HYCC2: variants seen among roughly 807,000 people sequenced by gnomAD.
The protein encoded by HYCC2 is hyccin 2.
At chr2:200,996,846 A>C in the HYCC2 span, 1 of 152,204 alleles carries the variant, frequency 6.6e-6, no homozygotes, top group Admixed American at 6.6e-5. Context: ...AAAGATCTCA[A>C]AGTGATTTAC....
the HYCC2 span, among the ~76,000 whole-genome samples, chr2:201,004,963 G>A: frequency 6.3e-4 from 92 of 145,220 alleles, no homozygotes; most frequent in Non-Finnish European, 4.6e-4. Flanking sequence ...TTTGCACTGA[G>A]CCGAGATCGT....
the HYCC2 span, among the ~76,000 whole-genome samples, chr2:201,025,698 T>C: frequency 6.6e-6 from 1 of 151,850 alleles, no homozygotes; most frequent in African/African-American, 2.4e-5. Flanking sequence ...AAGATCCAAG[T>C]GGTTTGGAGT....
the HYCC2 span, among the ~76,000 whole-genome samples, chr2:201,066,100 CAG>C: frequency 2.4e-3 from 360 of 150,486 alleles, 1 homozygote; most frequent in African/African-American, 8.1e-3. Context: ...TCTTTGGAGA[CAG>C]AGTCTCACTT....
the HYCC2 span, among the ~76,000 whole-genome samples, chr2:201,052,461 A>G: frequency 1.3e-5 from 2 of 152,174 alleles, no homozygotes; most frequent in African/African-American, 4.8e-5. Flanking sequence ...TTTAAAAATT[A>G]GCCGGGCATG....
At chr2:201,037,246 A>AT in the HYCC2 span, among the ~76,000 whole-genome samples, 1 of 152,254 alleles carries the variant, frequency 6.6e-6, no homozygotes, top group African/African-American at 2.4e-5. Flanking sequence ...AAAAGAGGGC[A>AT]TAAAAAAATG....
At chr2:201,028,853 T>C in the HYCC2 span, among the ~76,000 whole-genome samples, 1 of 152,226 alleles carries the variant, frequency 6.6e-6, no homozygotes, top group East Asian at 1.9e-4. Context: ...CCTAAAACCA[T>C]AAAAACCCTA....
At chr2:201,005,108 CA>C in the HYCC2 span, among the ~76,000 whole-genome samples, 2 of 151,174 alleles carry the variant, frequency 1.3e-5, no homozygotes, top group Non-Finnish European at 2.9e-5. Flanking sequence ...GGAATGAAAG[CA>C]ATTGAAAAAT....
the HYCC2 span, among the ~76,000 whole-genome samples, chr2:201,047,445 C>CATATATATATATATATATATATAT: frequency 1.9e-3 from 263 of 139,514 alleles, 2 homozygotes; most frequent in African/African-American, 6.6e-3. Flanking sequence ...TCACAGTTCT[C>CATATATATATATATATATATATAT]ATATATATAT....
At chr2:201,043,821 C>T in the HYCC2 span, among the ~76,000 whole-genome samples, 1 of 152,086 alleles carries the variant, frequency 6.6e-6, no homozygotes, top group African/African-American at 2.4e-5. Flanking sequence ...CATGTATTTT[C>T]TAACCAGGCA....
chr2:201,065,466 T>C, the HYCC2 span, among the ~76,000 whole-genome samples: 4 of 152,232 alleles, frequency 2.6e-5, no homozygotes, highest in South Asian at 4.1e-4. Flanking sequence ...AAGACTGCAA[T>C]TGTTGGCTTG....
At chr2:201,042,703 G>A in the HYCC2 span, among the ~76,000 whole-genome samples, 2 of 151,084 alleles carry the variant, frequency 1.3e-5, no homozygotes, top group Admixed American at 6.6e-5. Flanking sequence ...GGAGCTGGGG[G>A]GCAGCCCCCG....
the HYCC2 span, among the ~76,000 whole-genome samples, chr2:201,051,180 C>G: frequency 6.6e-6 from 1 of 152,052 alleles, no homozygotes; most frequent in African/African-American, 2.4e-5. Flanking sequence ...ACAGGAAAAG[C>G]ATGACACATT....
At chr2:201,016,866 G>T in the HYCC2 span, 1 of 916,056 alleles carries the variant, frequency 1.1e-6, no homozygotes, top group Non-Finnish European at 1.6e-6. Context: ...TCCCAAAAAT[G>T]CTGGGATTAC....
the HYCC2 span, among the ~76,000 whole-genome samples, chr2:201,006,432 C>A: frequency 1.3e-3 from 200 of 151,986 alleles, no homozygotes; most frequent in Non-Finnish European, 2.3e-3. Flanking sequence ...TGAGCCGCAC[C>A]TGGCGAGATT....
chr2:201,063,536 T>A, the HYCC2 span: 3 of 1,589,660 alleles, frequency 1.9e-6, no homozygotes, highest in Middle Eastern at 4.5e-4. Flanking sequence ...GGGCTTTGCC[T>A]TTGTAACCTT....
chr2:201,018,586 A>G, the HYCC2 span, among the ~76,000 whole-genome samples: 1 of 152,228 alleles, frequency 6.6e-6, no homozygotes, highest in Admixed American at 6.5e-5. Flanking sequence ...AGAATTCTAA[A>G]GCTTAAAAAA....
the HYCC2 span, chr2:200,974,383 A>G: frequency 6.6e-6 from 1 of 152,048 alleles, no homozygotes; most frequent in South Asian, 2.1e-4. Flanking sequence ...ATCATGAGAA[A>G]AACAGTGGGA....
chr2:200,980,014 C>T, the HYCC2 span: 1 of 152,588 alleles, frequency 6.6e-6, no homozygotes. Context: ...TTACATTAAA[C>T]ACAAAGGCAG....
At chr2:201,041,515 G>C in the HYCC2 span, among the ~76,000 whole-genome samples, 1 of 152,216 alleles carries the variant, frequency 6.6e-6, no homozygotes, top group African/African-American at 2.4e-5. Context: ...GATCTTGTAA[G>C]TCTCAGCAGC....
Sources: gnomAD v4.1 joint callset for allele counts (sites outside exome capture counted in the v4.1 genomes callset) on GRCh38, gnomAD v4.1.1 for gene constraint, MANE v1.5 for transcripts, NCBI Gene and HGNC (gene_info 2026-07-23, HGNC 2026-07-21) for gene names.